The following ADAMTS16 variants were observed in gnomAD, a reference collection of about 807,000 sequenced individuals.
ADAMTS16 encodes the protein A disintegrin and metalloproteinase with thrombospondin motifs 16.
ADAMTS16 carries 94 observed loss-of-function variants against 145.8 expected under a neutral mutation model. That is an observed-to-expected ratio of 0.64 (90% CI 0.55 to 0.77). The LOEUF (loss-of-function observed/expected upper bound fraction) is 0.77, where lower values mean the gene tolerates loss of function less well. Among genes scored for constraint, ADAMTS16 ranks in the 30% least tolerant of loss-of-function variants. ADAMTS16 has a pLI of 0.00. For synonymous variants in ADAMTS16, 659 were observed against 604.3 expected (o/e 1.09, Z -1.33); for missense variants, 1,585 against 1,591.5 (o/e 1.00, Z 0.07).
intron 8 of ADAMTS16, among the ~76,000 whole-genome samples, chr5:5,196,197 C>T (rs1362749945): frequency 1.4e-5 from 2 of 143,710 alleles, no homozygotes; most frequent in Admixed American, 7.1e-5. Context: ...GAGATCACGC[C>T]ACCGCACTCC....
At chr5:5,197,440 C>T (rs3943879) in intron 8 of ADAMTS16, among the ~76,000 whole-genome samples, 42,675 of 152,034 alleles carry the variant, frequency 0.28, 6,782 homozygotes, top group South Asian at 0.38. Flanking sequence ...TTAACAAACA[C>T]GAATAGAAAC....
At chr5:5,270,126 C>T (rs1738408586) in intron 18 of ADAMTS16, among the ~76,000 whole-genome samples, 2 of 152,188 alleles carry the variant, frequency 1.3e-5, no homozygotes, top group African/African-American at 4.8e-5. Context: ...GCTTTCCTGC[C>T]TGGGAGAATC....
Position 5,237,694 on chromosome 5 carries a change from G to C in ADAMTS16, c.2154+595G>C, listed in dbSNP as rs1991459. Reference sequence around the variant, plus strand: ...AGTGTGGAGAGTCAGTGAAGCAGGGGTGGGTGAGAGCCTGGGCCACTTCGC... The same window carrying C: ...AGTGTGGAGAGTCAGTGAAGCAGGGCTGGGTGAGAGCCTGGGCCACTTCGC... On this transcript the variant is annotated intron_variant, in intron 14 of 22. Transcript: ENST00000274181. 4.6e-5 allele frequency among the ~76,000 whole-genome samples: 7 copies of C among 151,854 alleles called. No individual in the cohort carries two copies. The East Asian group carries it at 1.2e-3, about 25-fold the overall frequency.
intron 9 of ADAMTS16, among the ~76,000 whole-genome samples, chr5:5,206,185 G>A (rs1336631549): frequency 1.3e-5 from 2 of 151,438 alleles, no homozygotes; most frequent in Non-Finnish European, 2.9e-5. Context: ...CCAGCACTTT[G>A]GGAGGCCGAG....
chr5:5,263,764 G>C (rs1348936451), intron 18 of ADAMTS16, among the ~76,000 whole-genome samples: 2 of 152,192 alleles, frequency 1.3e-5, no homozygotes, highest in South Asian at 2.1e-4. Flanking sequence ...AATGGACGGA[G>C]GTGTGTTCGC....
At chr5:5,277,182 A>C (rs558853749) in intron 18 of ADAMTS16, among the ~76,000 whole-genome samples, 1 of 152,202 alleles carries the variant, frequency 6.6e-6, no homozygotes, top group African/African-American at 2.4e-5. Flanking sequence ...AAGGTAATTT[A>C]AAAGAATAGT....
chr5:5,287,436 G>C (rs2126482348), intron 18 of ADAMTS16, among the ~76,000 whole-genome samples: 1 of 152,224 alleles, frequency 6.6e-6, no homozygotes, highest in Non-Finnish European at 1.5e-5. Context: ...TCTTTGCCTA[G>C]ACCCATCTAC....
chr5:5,219,848 C>A (rs928510693), intron 10 of ADAMTS16, among the ~76,000 whole-genome samples: 2 of 152,188 alleles, frequency 1.3e-5, no homozygotes, highest in African/African-American at 4.8e-5. Context: ...AAAGCCCAAA[C>A]CTTTAACAAT....
intron 11 of ADAMTS16, among the ~76,000 whole-genome samples, chr5:5,230,073 A>T (rs55815401): frequency 0.017 from 2,554 of 152,256 alleles, 76 homozygotes; most frequent in African/African-American, 0.056. Flanking sequence ...GAACCTAACC[A>T]ATGCCTTAGA....
At chr5:5,240,792 TG>T (rs1036813497) in intron 16 of ADAMTS16, among the ~76,000 whole-genome samples, 8 of 152,338 alleles carry the variant, frequency 5.3e-5, no homozygotes, top group African/African-American at 1.9e-4. Flanking sequence ...GTCCTGCCCC[TG>T]AACTCTTTCA....
At chr5:5,201,763 A>G (rs1268464426) in intron 9 of ADAMTS16, among the ~76,000 whole-genome samples, 2 of 152,142 alleles carry the variant, frequency 1.3e-5, no homozygotes, top group Non-Finnish European at 2.9e-5. Flanking sequence ...TGTAATGTAC[A>G]TGTCTTTGCA....
chr5:5,199,985 T>A, intron 8 of ADAMTS16, 147 bp from the exon 9 acceptor site: 1 of 934,018 alleles, frequency 1.1e-6, no homozygotes, highest in Non-Finnish European at 1.5e-6. Context: ...TCTTAACCAA[T>A]TGGCAGTTGT....
At chr5:5,214,274 G>A (rs905419400) in intron 10 of ADAMTS16, among the ~76,000 whole-genome samples, 3 of 152,122 alleles carry the variant, frequency 2.0e-5, no homozygotes, top group Non-Finnish European at 4.4e-5. Context: ...CATAGTGGAC[G>A]GTGGGAGAAG....
chr5:5,200,348 G>T (rs1735922910), intron 9 of ADAMTS16, 79 bp downstream of exon 9: 4 of 1,553,332 alleles, frequency 2.6e-6, no homozygotes, highest in Admixed American at 1.8e-5. Context: ...TCCTGTGCAA[G>T]CAGCCCCAGG....
At chr5:5,300,831 T>C (rs1739737662) in intron 18 of ADAMTS16, among the ~76,000 whole-genome samples, 1 of 152,154 alleles carries the variant, frequency 6.6e-6, no homozygotes, top group African/African-American at 2.4e-5. Flanking sequence ...AAGGCACTCA[T>C]CATTTTGTTC....
At chr5:5,181,952 G>A in intron 3 of ADAMTS16, 92 bp from the exon 4 acceptor site, 1 of 1,396,828 alleles carries the variant, frequency 7.2e-7, no homozygotes, top group Non-Finnish European at 9.7e-7. Context: ...GCTTCCAAGA[G>A]AATAATAACA....
intron 17 of ADAMTS16, among the ~76,000 whole-genome samples, chr5:5,248,090 G>A (rs1034622122): frequency 1.3e-5 from 2 of 152,228 alleles, no homozygotes; most frequent in Non-Finnish European, 2.9e-5. Context: ...GAGAGCTCAT[G>A]CGTTCATTTA....
intron 18 of ADAMTS16, among the ~76,000 whole-genome samples, chr5:5,296,405 A>G (rs932710530): frequency 2.6e-5 from 4 of 152,188 alleles, no homozygotes; most frequent in African/African-American, 9.6e-5. Context: ...CAGTTTTTTT[A>G]TTGCCACATC....
intron 18 of ADAMTS16, among the ~76,000 whole-genome samples, chr5:5,273,528 A>C (rs1738565726): frequency 6.6e-6 from 1 of 152,200 alleles, no homozygotes; most frequent in Admixed American, 6.5e-5. Flanking sequence ...TAAATAAATA[A>C]ATGTATGAAA....
Sources: allele counts gnomAD v4.1 joint callset (sites outside exome capture counted in the v4.1 genomes callset), GRCh38; gene constraint gnomAD v4.1.1; transcripts MANE v1.5; gene names NCBI Gene and HGNC (gene_info 2026-07-23, HGNC 2026-07-21).